ZNF407: variants seen among roughly 807,000 people sequenced by gnomAD.
The protein encoded by ZNF407 is zinc finger protein 407.
In ZNF407, 17 loss-of-function variants were observed where a neutral mutation model predicts 131.2. The observed-to-expected ratio is 0.13, with a 90% CI of 0.09 to 0.19. The LOEUF (loss-of-function observed/expected upper bound fraction) is 0.19, where lower values mean the gene tolerates loss of function less well. ZNF407 is among the 10% of genes least tolerant of loss of function. ZNF407 has a pLI of 1.00. For missense variants in ZNF407, 2,681 were observed against 2,830.6 expected, an observed-to-expected ratio of 0.95 and a Z score of 1.20; for synonymous variants, 1,156 against 1,062.0, an observed-to-expected ratio of 1.09 and a Z score of -1.72.
chr18:74,769,047 C>T (rs779423429), intron 3 of ZNF407, among the ~76,000 whole-genome samples: 195 of 152,024 alleles, frequency 1.3e-3, no homozygotes, highest in Non-Finnish European at 1.1e-3. Flanking sequence ...CTAACAATTC[C>T]AGAGGAATTA....
chr18:74,905,703 A>C (rs1474613224), intron 7 of ZNF407: 1 of 152,248 alleles, frequency 6.6e-6, no homozygotes, highest in Non-Finnish European at 1.5e-5. Context: ...CCTAAGAACT[A>C]GTTTCAAAGA....
chr18:74,766,009 CTGTGTGTGTGTGTGTGTG>C (rs58103313), intron 3 of ZNF407, among the ~76,000 whole-genome samples: 6,168 of 148,118 alleles, frequency 0.042, 179 homozygotes, highest in African/African-American at 0.076. Flanking sequence ...GCATATTACT[CTGTGTGTGTGTGTGTGTG>C]TGTGTGTGTG....
At chr18:74,785,593 CTAT>C (rs1969687815) in intron 4 of ZNF407, among the ~76,000 whole-genome samples, 1 of 152,186 alleles carries the variant, frequency 6.6e-6, no homozygotes, top group Admixed American at 6.5e-5. Context: ...TCCTTTTTCT[CTAT>C]TTTCTCAAAA....
chr18:74,827,030 A>T (rs199530641), intron 4 of ZNF407, among the ~76,000 whole-genome samples: 4 of 152,214 alleles, frequency 2.6e-5, no homozygotes, highest in East Asian at 1.9e-4. Flanking sequence ...CAGCAAAAGG[A>T]TCCAAGACCA....
chr18:74,915,181 T>C (rs1014776683), intron 7 of ZNF407, among the ~76,000 whole-genome samples: 17 of 152,118 alleles, frequency 1.1e-4, no homozygotes, highest in Admixed American at 7.9e-4. Flanking sequence ...TAAAATAAGG[T>C]CTAGGGATAT....
intron 4 of ZNF407, among the ~76,000 whole-genome samples, chr18:74,792,538 AATTAT>A (rs1969845639): frequency 6.6e-6 from 1 of 151,214 alleles, no homozygotes; most frequent in South Asian, 2.1e-4. Context: ...CCTTTTAAAA[AATTAT>A]ATTGTTATTA....
intron 8 of ZNF407, among the ~76,000 whole-genome samples, chr18:74,937,710 A>G (rs2145263937): frequency 6.6e-6 from 1 of 152,364 alleles, no homozygotes; most frequent in East Asian, 1.9e-4. Flanking sequence ...AGTTTTAAAT[A>G]TGTCTACCAT....
intron 1 of ZNF407, among the ~76,000 whole-genome samples, chr18:74,623,084 CAG>C (rs756173258): frequency 7.3e-5 from 11 of 149,680 alleles, no homozygotes; most frequent in African/African-American, 2.2e-4. Context: ...GTATCTGTAT[CAG>C]TGTGTGAGTG....
intron 8 of ZNF407, among the ~76,000 whole-genome samples, chr18:75,052,483 G>T (rs1973513133): frequency 6.6e-6 from 1 of 152,166 alleles, no homozygotes; most frequent in Admixed American, 6.5e-5. Context: ...GTCCCTTGAA[G>T]ATCCTCCACC....
At chr18:74,685,470 C>G (rs1425969785) in intron 3 of ZNF407, among the ~76,000 whole-genome samples, 1 of 152,202 alleles carries the variant, frequency 6.6e-6, no homozygotes, top group African/African-American at 2.4e-5. Flanking sequence ...AGCACCATCA[C>G]AGTCTTGATC....
intron 4 of ZNF407, among the ~76,000 whole-genome samples, chr18:74,784,563 TC>T (rs1465402966): frequency 6.6e-6 from 1 of 152,226 alleles, no homozygotes; most frequent in Non-Finnish European, 1.5e-5. Flanking sequence ...ACTTTTTTGT[TC>T]CTACATCTGC....
intron 4 of ZNF407, among the ~76,000 whole-genome samples, chr18:74,816,754 A>T (rs780894355): frequency 7.9e-5 from 12 of 152,208 alleles, no homozygotes; most frequent in South Asian, 2.1e-4. Flanking sequence ...TTCACTTTTA[A>T]CTTGCAAATA....
chr18:74,877,103 G>A (rs1462234051), intron 4 of ZNF407, 94 bp from the exon 5 acceptor site: 9 of 1,078,302 alleles, frequency 8.3e-6, no homozygotes, highest in East Asian at 2.4e-5. Flanking sequence ...GGCTGCGTGT[G>A]CACCGCACCT....
chr18:74,675,680 G>C (rs992282095), intron 3 of ZNF407, among the ~76,000 whole-genome samples: 1 of 152,134 alleles, frequency 6.6e-6, no homozygotes, highest in African/African-American at 2.4e-5. Flanking sequence ...TGTTAGCTTT[G>C]AAGTTATATA....
chr18:74,673,871 A>G, intron 3 of ZNF407, among the ~76,000 whole-genome samples: 1 of 152,242 alleles, frequency 6.6e-6, no homozygotes, highest in Middle Eastern at 3.2e-3. Context: ...GTAAATTGTT[A>G]GTTAAAACAC....
chr18:74,641,024 G>A lies in ZNF407; in HGVS notation c.4704G>A (p.Lys1568=), dbSNP rs1178203737. Residue 1568 remains lysine (K), a synonymous_variant, in exon 3 of 9, where the codon AAG becomes AAA. Transcript: ENST00000299687. ...TTTACTCAGGATCAAAACCATTCAA[G>A]TGCAAGATATGCCATTTTGCAACAG... is the stretch of plus-strand genomic sequence containing the variant. ...IRTHTGSKPF[K]CKICHFATAQ... is the part of the protein sequence containing the mutation. 1.2e-6 allele frequency: 2 copies of A among 1,612,894 alleles called. No homozygotes were observed. The highest frequency in any genetic ancestry group is 8.5e-7 in the Non-Finnish European group (1 of 1,179,068).
chr18:74,758,340 T>C (rs1969011750), intron 3 of ZNF407, among the ~76,000 whole-genome samples: 1 of 152,180 alleles, frequency 6.6e-6, no homozygotes, highest in Admixed American at 6.5e-5. Flanking sequence ...GTATAAATTT[T>C]CTTAATTCTT....
At chr18:74,852,557 G>C (rs1047910752) in intron 4 of ZNF407, among the ~76,000 whole-genome samples, 3 of 152,052 alleles carry the variant, frequency 2.0e-5, no homozygotes, top group Admixed American at 6.5e-5. Context: ...TTAATATTTT[G>C]AGCTCTGTAA....
At chr18:74,704,198 A>G (rs1967568661) in intron 3 of ZNF407, among the ~76,000 whole-genome samples, 1 of 152,152 alleles carries the variant, frequency 6.6e-6, no homozygotes, top group Non-Finnish European at 1.5e-5. Context: ...ATTCCTCCCT[A>G]AATCTTCTGG....
Sources: allele counts gnomAD v4.1 joint callset (sites outside exome capture counted in the v4.1 genomes callset), GRCh38; gene constraint gnomAD v4.1.1; transcripts MANE v1.5; gene names NCBI Gene and HGNC (gene_info 2026-07-23, HGNC 2026-07-21).